Variants in ADAMTSL1 observed in about 807,000 individuals in gnomAD.
ADAMTSL1 encodes the protein ADAMTS like 1, also known as ADAMTS-like protein 1.
A neutral mutation model predicts 201.8 loss-of-function variants in ADAMTSL1; 126 were observed. The ratio of observed to expected loss-of-function variants is 0.62; its 90% CI spans 0.54 to 0.72. The LOEUF is 0.72. Among genes scored for constraint, ADAMTSL1 ranks in the 30% least tolerant of loss-of-function variants. The probability of loss-of-function intolerance (pLI) is 0.00; values close to 1 mark genes in which losing one functional copy is unlikely to be tolerated. For missense variants in ADAMTSL1, 2,679 were observed against 2,277.8 expected (o/e 1.18, Z -3.59); for synonymous variants, 1,121 against 903.4 (o/e 1.24, Z -4.32).
intron 2 of ADAMTSL1, among the ~76,000 whole-genome samples, chr9:18,232,516 C>T (rs557289947): frequency 1.1e-4 from 17 of 151,948 alleles, no homozygotes; most frequent in South Asian, 4.1e-4. Flanking sequence ...CCCTTTTTTT[C>T]GCTGATGTGT....
At chr9:18,613,844 T>G (rs1477605745) in intron 4 of ADAMTSL1, among the ~76,000 whole-genome samples, 1 of 152,126 alleles carries the variant, frequency 6.6e-6, no homozygotes, top group African/African-American at 2.4e-5. Context: ...CATATACCTA[T>G]GTAACAAAGC....
intron 2 of ADAMTSL1, among the ~76,000 whole-genome samples, chr9:18,343,870 C>T (rs1340785671): frequency 6.6e-6 from 1 of 152,076 alleles, no homozygotes; most frequent in East Asian, 1.9e-4. Context: ...ATTATCAAAA[C>T]AGCTTTATGT....
chr9:18,547,144 A>G (rs1253980930), intron 3 of ADAMTSL1, among the ~76,000 whole-genome samples: 2 of 152,158 alleles, frequency 1.3e-5, no homozygotes, highest in Non-Finnish European at 2.9e-5. Flanking sequence ...GCAAATGAAA[A>G]TAAGAAAATG....
At chr9:18,435,339 C>T (rs1346755484) in intron 2 of ADAMTSL1, among the ~76,000 whole-genome samples, 1 of 152,002 alleles carries the variant, frequency 6.6e-6, no homozygotes, top group African/African-American at 2.4e-5. Context: ...TTTATTTGTC[C>T]AACCAATAAA....
At chr9:18,459,596 A>G (rs527941133) in intron 2 of ADAMTSL1, among the ~76,000 whole-genome samples, 1 of 152,296 alleles carries the variant, frequency 6.6e-6, no homozygotes, top group African/African-American at 2.4e-5. Flanking sequence ...GACTTCGTTA[A>G]TCCAGTCAGT....
At chr9:18,904,663 AAAAAAAAAAG>A (rs1830195433) in intron 26 of ADAMTSL1, among the ~76,000 whole-genome samples, 2 of 119,426 alleles carry the variant, frequency 1.7e-5, no homozygotes, top group African/African-American at 3.3e-5. Context: ...AAAAAAAAAA[AAAAAAAAAAG>A]GTCCGTTTAT....
At chr9:18,045,911 A>G (rs2131647101) in intron 1 of ADAMTSL1, among the ~76,000 whole-genome samples, 1 of 152,256 alleles carries the variant, frequency 6.6e-6, no homozygotes, top group South Asian at 2.1e-4. Flanking sequence ...TTCTAAAGAG[A>G]CAGAGATAGA....
intron 1 of ADAMTSL1, among the ~76,000 whole-genome samples, chr9:18,099,355 A>ATATATATATATATATATAT (rs1239180390): frequency 4.0e-4 from 18 of 45,548 alleles, no homozygotes; most frequent in Non-Finnish European, 5.7e-4. Flanking sequence ...ATATATATAT[A>ATATATATATATATATATAT]TTTTTTTTTT....
intron 1 of ADAMTSL1, among the ~76,000 whole-genome samples, chr9:17,939,617 A>C (rs1017837012): frequency 1.3e-5 from 2 of 152,108 alleles, no homozygotes; most frequent in African/African-American, 2.4e-5. Flanking sequence ...TATAATGACT[A>C]TATGAATCTT....
At chr9:18,879,658 A>C (rs150767192) in intron 23 of ADAMTSL1, among the ~76,000 whole-genome samples, 3,010 of 152,358 alleles carry the variant, frequency 0.02, 106 homozygotes, top group African/African-American at 0.068. Flanking sequence ...TTGCTAAAAA[A>C]TGCTAACAAT....
chr9:18,175,122 G>C (rs1398966762), intron 2 of ADAMTSL1, among the ~76,000 whole-genome samples: 1 of 152,190 alleles, frequency 6.6e-6, no homozygotes, highest in Non-Finnish European at 1.5e-5. Context: ...AGGAGGGGTT[G>C]TGTTGTTGGG....
At chr9:18,721,686 C>T (rs754042915) in intron 15 of ADAMTSL1, 21 bp downstream of exon 15, 1 of 1,612,688 alleles carries the variant, frequency 6.2e-7, no homozygotes, top group East Asian at 2.2e-5. Flanking sequence ...TGTGGCCTGC[C>T]CTGCTGTCCA....
At chr9:18,850,428 A>C (rs1247804672) in intron 23 of ADAMTSL1, among the ~76,000 whole-genome samples, 2 of 152,218 alleles carry the variant, frequency 1.3e-5, no homozygotes, top group African/African-American at 2.4e-5. Flanking sequence ...CTATAATGGC[A>C]GTTTTACAGC....
At chr9:18,878,970 T>C (rs1828350091) in intron 23 of ADAMTSL1, among the ~76,000 whole-genome samples, 1 of 152,112 alleles carries the variant, frequency 6.6e-6, no homozygotes, top group African/African-American at 2.4e-5. Flanking sequence ...GAAAAGCAAA[T>C]TGCAAACTAG....
At chr9:18,127,496 A>G (rs1274439389) in intron 1 of ADAMTSL1, among the ~76,000 whole-genome samples, 1 of 150,798 alleles carries the variant, frequency 6.6e-6, no homozygotes, top group Non-Finnish European at 1.5e-5. Context: ...ACACACACAC[A>G]CACACACACA....
chr9:18,238,882 C>T (rs76176089), intron 2 of ADAMTSL1, among the ~76,000 whole-genome samples: 2,273 of 152,228 alleles, frequency 0.015, 50 homozygotes, highest in African/African-American at 0.051. Context: ...GCACAATATA[C>T]GCATACCTCA....
chr9:17,976,915 A>G (rs962706988), intron 1 of ADAMTSL1, among the ~76,000 whole-genome samples: 1 of 151,818 alleles, frequency 6.6e-6, no homozygotes, highest in Non-Finnish European at 1.5e-5. Context: ...TTCCTTCCTG[A>G]TCTTAGAGAA....
chr9:18,112,217 TA>T (rs1274730661), intron 1 of ADAMTSL1, among the ~76,000 whole-genome samples: 8 of 152,124 alleles, frequency 5.3e-5, no homozygotes, highest in Admixed American at 5.2e-4. Context: ...GACATTGTAG[TA>T]GATGTCATTA....
chr9:18,192,391 C>G (rs539019826), intron 2 of ADAMTSL1, among the ~76,000 whole-genome samples: 6 of 152,246 alleles, frequency 3.9e-5, no homozygotes, highest in Admixed American at 6.5e-5. Flanking sequence ...CAAATTGACT[C>G]TCTAGATTAT....
Sources: allele counts gnomAD v4.1 joint callset (sites outside exome capture counted in the v4.1 genomes callset), GRCh38; gene constraint gnomAD v4.1.1; transcripts MANE v1.5; gene names NCBI Gene and HGNC (gene_info 2026-07-23, HGNC 2026-07-21).